The following FGFR1 variants were observed in gnomAD, a reference collection of about 807,000 sequenced individuals.
FGFR1 encodes the protein fibroblast growth factor receptor 1.
FGFR1 carries 18 observed loss-of-function variants against 93.7 expected under a neutral mutation model. That is an observed-to-expected ratio of 0.19 (90% CI 0.13 to 0.28). The LOEUF is 0.28. Among genes scored for constraint, FGFR1 ranks in the 10% least tolerant of loss-of-function variants. The pLI is 1.00. For synonymous variants in FGFR1, 448 were observed against 429.3 expected, an observed-to-expected ratio of 1.04 and a Z score of -0.54; for missense variants, 731 against 1,080.4, an observed-to-expected ratio of 0.68 and a Z score of 4.53.
In FGFR1 at chr8:38,465,574, G is replaced by A. The variant is rs1026500731; in HGVS notation, c.-89+2407C>T. ...CCCCGGAGCTTCTCCTAACCCACTG[G>A]GGGTAGGATATGTAAACAAGTCATT... On this transcript the variant is annotated intron_variant, in intron 1 of 17. Coordinates refer to ENST00000447712, the MANE Select transcript of FGFR1 (RefSeq NM_023110.3). 9 of 227,644 alleles carry A rather than the reference G, an allele frequency of 4.0e-5. No homozygotes were observed. The East Asian group carries it at 5.6e-4, about 14-fold the overall frequency. 14.1% of individuals were successfully genotyped at this position (227,644 alleles called of 1,614,324 possible).
At position 38,412,394 on chromosome 8, in the gene FGFR1, T is replaced by G. The variant is rs1024151274; in HGVS notation, c.*1234A>C. 1.3e-5 allele frequency: 3 copies of G among 232,452 alleles called. No individual in the cohort carries two copies. Among genetic ancestry groups the G allele is most frequent in the Admixed American group, 5.6e-5 (1 of 17,760 alleles). The allele number at this position is 232,452 out of a possible 1,614,324, so 14.4% of individuals were successfully genotyped here. A position where few individuals can be genotyped will look rare whatever the true frequency, so the allele number is the denominator to read the frequency against. On this transcript the variant is annotated 3_prime_UTR_variant, in exon 18 of 18. Coordinates refer to ENST00000447712, the MANE Select transcript of FGFR1 (RefSeq NM_023110.3). ...GCTCTACCCCGTGGCTATTCCTAGG[T>G]AGGTGCCCCCTCCCCAGCCCAACCC... is the stretch of plus-strand genomic sequence containing the variant.
intron 2 of FGFR1, among the ~76,000 whole-genome samples, chr8:38,447,586 A>G (rs1476326221): frequency 6.6e-6 from 1 of 152,042 alleles, no homozygotes; most frequent in Non-Finnish European, 1.5e-5. Context: ...GGTTCAAGCT[A>G]TTCTCCTGCC....
intron 13 of FGFR1, 79 bp downstream of exon 13, chr8:38,415,788 AGAT>A: frequency 2.9e-6 from 4 of 1,396,984 alleles, no homozygotes; most frequent in Non-Finnish European, 3.0e-6. Context: ...CGCCACCACA[AGAT>A]GATAAGTCAC....
rs1358902302 is a variant in FGFR1 at position 38,417,999 on chromosome 8, G to A, written c.1431-8C>T. The A allele has an allele frequency of 1.9e-6, 3 of 1,614,184 alleles. No individual in the cohort carries two copies. The highest frequency in any genetic ancestry group is 2.5e-6 in the Non-Finnish European group (3 of 1,180,036). The stretch of plus-strand genomic sequence containing the variant: ...GGTTTGCCTAAGACCAGTCTTTCGG[G>A]GGAAACAGAGAGTGGCATAAGTTGG... On this transcript the variant is annotated splice_region_variant and splice_polypyrimidine_tract_variant and intron_variant, in intron 10 of 17. Transcript: ENST00000447712.
chr8:38,442,251 C>T (rs891198142), intron 2 of FGFR1, among the ~76,000 whole-genome samples: 1 of 152,134 alleles, frequency 6.6e-6, no homozygotes, highest in African/African-American at 2.4e-5. Flanking sequence ...GGAGTGTCTT[C>T]TCCTGCCTTT....
intron 5 of FGFR1, among the ~76,000 whole-genome samples, chr8:38,427,543 G>C (rs544832522): frequency 1.3e-4 from 20 of 152,310 alleles, no homozygotes; most frequent in African/African-American, 4.8e-4. Context: ...GCCTCCCAAA[G>C]TGATAGGATT....
Position 38,424,753 on chromosome 8 carries a change from G to A in FGFR1, c.746-54C>T. ...TCATGGGGACCTTGCCATGGCTAAA[G>A]AGGGGTGGGCTCACCTGCGCCCCAC... On this transcript the variant is annotated intron_variant, in intron 6 of 17. Transcript: ENST00000447712. This position sits in a 1 kb window ranked among gnomAD's most constrained non-coding sequence, Gnocchi z 4.3. The A allele has an allele frequency of 1.3e-6, 2 of 1,581,440 alleles. No homozygotes were observed. The highest frequency in any genetic ancestry group is 1.7e-6 in the Non-Finnish European group (2 of 1,158,310).
In FGFR1 at chr8:38,411,177, A is replaced by G; in HGVS notation, c.*2451T>C. The stretch of plus-strand genomic sequence containing the variant: ...CTGTCTTTTATTTGACAGCTAGCGC[A>G]GTCTTTGGGGAAATTTGTGGGTGAT... On this transcript the variant is annotated 3_prime_UTR_variant, in exon 18 of 18. Transcript: ENST00000447712. The G allele has an allele frequency of 5.0e-6, 1 of 199,624 alleles. No individual in the cohort carries two copies. Among genetic ancestry groups the G allele is most frequent in the Non-Finnish European group, 1.0e-5 (1 of 96,590 alleles). The allele number at this position is 199,624 out of a possible 1,614,324, so 12.4% of individuals were successfully genotyped here. A position where few individuals can be genotyped will look rare whatever the true frequency, so the allele number is the denominator to read the frequency against.
rs1373401854 is a variant in FGFR1, at chr8:38,418,000, G to T, written c.1431-9C>A. 2 of 1,614,162 alleles carry T rather than the reference G, an allele frequency of 1.2e-6. No homozygotes were observed. On this transcript the variant is annotated splice_polypyrimidine_tract_variant and intron_variant, in intron 10 of 17. Transcript: ENST00000447712. ...GTTTGCCTAAGACCAGTCTTTCGGG[G>T]GAAACAGAGAGTGGCATAAGTTGGG...
rs1233979323 is a variant in FGFR1, at chr8:38,417,920, T to G, written c.1502A>C (p.Asp501Ala). Residue 501 changes from aspartate to alanine, a missense_variant, in exon 11 of 18, where the codon GAC becomes GCC. Physicochemically the swap from Asp to Ala is moderately radical, Grantham distance 126. Around this residue, in one of 10 missense-constraint regions of FGFR1, gnomAD observed 62 missense variants for 99.5 expected, o/e 0.62. Coordinates refer to ENST00000447712, the MANE Select transcript of FGFR1 (RefSeq NM_023110.3). ...GGTCACACGGTTGGGTTTGTCCTTG[T>G]CCAGCCCGATAGCCTCTGCCAACAC... ...QVVLAEAIGL[D>A]KDKPNRVTKV... 2 of 1,614,190 alleles carry G rather than the reference T, an allele frequency of 1.2e-6. No individual in the cohort carries two copies. Among genetic ancestry groups the G allele is most frequent in the Non-Finnish European group, 1.7e-6 (2 of 1,180,036 alleles).
chr8:38,466,463 C>T (rs1835528510), intron 1 of FGFR1: 1 of 231,666 alleles, frequency 4.3e-6, no homozygotes, highest in African/African-American at 2.2e-5. Flanking sequence ...CGAGTGGCAC[C>T]CCCTAAAACC....
chr8:38,440,234 G>A lies in FGFR1; in HGVS notation c.92-10286C>T, dbSNP rs950970111. The A allele has an allele frequency of 1.0e-5, 14 of 1,342,302 alleles. No homozygotes were observed. In the East Asian group the frequency reaches 1.7e-4, roughly 17 times the overall value. The allele number at this position is 1,342,302 out of a possible 1,614,324, so 83.1% of individuals were successfully genotyped here. A position where few individuals can be genotyped will look rare whatever the true frequency, so the allele number is the denominator to read the frequency against. Reference sequence around the variant, plus strand: ...TAAAAGGAGCACAGAACAGCGCAGCGGGGCTCCGGGGGCCCTCTGCAGAGG... The same window carrying A: ...TAAAAGGAGCACAGAACAGCGCAGCAGGGCTCCGGGGGCCCTCTGCAGAGG... On this transcript the variant is annotated intron_variant, in intron 2 of 17. Coordinates refer to ENST00000447712, the MANE Select transcript of FGFR1 (RefSeq NM_023110.3).
At chr8:38,432,884 C>T (rs1259420656) in intron 2 of FGFR1, among the ~76,000 whole-genome samples, 2 of 151,392 alleles carry the variant, frequency 1.3e-5, no homozygotes, top group African/African-American at 2.4e-5. Context: ...ATTCTCTCTA[C>T]CAGGGGCTGT....
chr8:38,459,665 G>A (rs1327479582), intron 1 of FGFR1, among the ~76,000 whole-genome samples: 1 of 152,090 alleles, frequency 6.6e-6, no homozygotes, highest in Non-Finnish European at 1.5e-5. Flanking sequence ...AGAAACTGAG[G>A]CTCAAAGAGG....
At chr8:38,465,819 G>A (rs2151479740) in intron 1 of FGFR1, 1 of 218,992 alleles carries the variant, frequency 4.6e-6, no homozygotes. Context: ...CAGTCTCAAG[G>A]CTAGATAGTA....
Position 38,428,419 on chromosome 8 carries a change from C to T in FGFR1, c.375G>A (p.Ser125=), listed in dbSNP as rs17182296. The T allele has an allele frequency of 1.4e-4, 228 of 1,613,308 alleles. No homozygotes were observed. The East Asian group carries it at 4.0e-3, about 28-fold the overall frequency. ...AGTCATCATCATCATCATCATCCTC[C>T]GAGGAGGGGAGAGCATCTATGGGAA... ...SVNVSDALPS[S]EDDDDDDDSS... is the part of the protein sequence containing the mutation. The change falls in exon 4 of 18, where the codon TCG becomes TCA. Residue 125 remains serine (S), a synonymous_variant. Transcript: ENST00000447712.
chr8:38,464,184 C>T (rs1198586864), intron 1 of FGFR1, among the ~76,000 whole-genome samples: 2 of 151,932 alleles, frequency 1.3e-5, no homozygotes, highest in South Asian at 2.1e-4. Context: ...GACATGGTGG[C>T]GCATGCTTGC....
At position 38,445,234 on chromosome 8, in the gene FGFR1, C is replaced by A. The variant is rs140915500; in HGVS notation, c.91+12122G>T. On this transcript the variant is annotated intron_variant, in intron 2 of 17. Transcript: ENST00000447712. ...TCCTTGAGTTGTCCTTCAGAAAAAA[C>A]GATTCTGTGTTGGTCTCAGGGCTCC... 5.3e-3 allele frequency among the ~76,000 whole-genome samples: 812 copies of A among 152,236 alleles called. 7 individuals are homozygous for A. The highest frequency in any genetic ancestry group is 0.018 in the African/African-American group (748 of 41,560).
rs1814418151 is a variant in FGFR1 at position 38,411,528 on chromosome 8, C to G, written c.*2100G>C. 4.4e-6 allele frequency: 1 copy of G among 228,728 alleles called. No individual in the cohort carries two copies. The highest frequency in any genetic ancestry group is 8.7e-6 in the Non-Finnish European group (1 of 115,386). 14.2% of individuals were successfully genotyped at this position (228,728 alleles called of 1,614,324 possible). ...ACAAAGAGAATTTTACAATAGTCGC[C>G]AACACTGCAGCTGCCAAAAAATCCC... On this transcript the variant is annotated 3_prime_UTR_variant, in exon 18 of 18. Transcript: ENST00000447712.
Sources: allele counts gnomAD v4.1 joint callset (sites outside exome capture counted in the v4.1 genomes callset), GRCh38; gene constraint gnomAD v4.1.1; regional missense constraint gnomAD v4.1.1; non-coding constraint Gnocchi (gnomAD v3.1); transcripts MANE v1.5; gene names NCBI Gene and HGNC (gene_info 2026-07-23, HGNC 2026-07-21).